CDK13: variants seen among roughly 807,000 people sequenced by gnomAD.
CDK13 encodes cyclin-dependent kinase 13.
In CDK13, 40 loss-of-function variants were observed where a neutral mutation model predicts 137.6. The ratio of observed to expected loss-of-function variants is 0.29; its 90% CI spans 0.23 to 0.38. The LOEUF (loss-of-function observed/expected upper bound fraction) is 0.38, where lower values mean the gene tolerates loss of function less well. Ranked by LOEUF, CDK13 falls within the 10% of genes least tolerant of loss-of-function variation. CDK13 has a pLI of 1.00. For missense variants in CDK13, 1,704 were observed against 1,951.8 expected (o/e 0.87, Z 2.39); for synonymous variants, 869 against 760.1 (o/e 1.14, Z -2.36).
intron 2 of CDK13, among the ~76,000 whole-genome samples, chr7:39,991,368 GC>G (rs1234788993): frequency 6.6e-6 from 1 of 152,156 alleles, no homozygotes; most frequent in Admixed American, 6.5e-5. Context: ...GTAATGGTCT[GC>G]ATAATCTCAT....
chr7:40,073,902 CTT>C (rs75410283), intron 9 of CDK13, among the ~76,000 whole-genome samples: 32 of 129,496 alleles, frequency 2.5e-4, no homozygotes, highest in Non-Finnish European at 2.5e-4. Flanking sequence ...TCTTTTTTTC[CTT>C]TTTTTTTTTT....
At chr7:40,040,152 C>T (rs1218060519) in intron 5 of CDK13, among the ~76,000 whole-genome samples, 7 of 152,128 alleles carry the variant, frequency 4.6e-5, no homozygotes, top group Admixed American at 2.0e-4. Context: ...GCTGGGATTA[C>T]AGGCACCCAC....
At chr7:40,054,594 C>T (rs963957424) in intron 7 of CDK13, among the ~76,000 whole-genome samples, 11 of 152,132 alleles carry the variant, frequency 7.2e-5, no homozygotes, top group East Asian at 3.9e-4. Context: ...CCACACCCAG[C>T]GAATTTTTGT....
At chr7:40,043,849 G>A (rs1405579169) in intron 5 of CDK13, among the ~76,000 whole-genome samples, 1 of 143,082 alleles carries the variant, frequency 7.0e-6, no homozygotes, top group South Asian at 2.5e-4. Flanking sequence ...AAAAAGAAAA[G>A]AAAAATACAG....
In CDK13 at chr7:40,088,973, G is replaced by A. The variant is rs184721099; in HGVS notation, c.3235+642G>A. Among the ~76,000 whole-genome samples the A allele has an allele frequency of 5.7e-4, 85 of 149,944 alleles. 1 individual carries two copies. Among genetic ancestry groups the A allele is most frequent in the African/African-American group, 2.0e-3 (81 of 40,770 alleles). On this transcript the variant is annotated intron_variant, in intron 12 of 13. Coordinates refer to ENST00000181839, the MANE Select transcript of CDK13 (RefSeq NM_003718.5). The stretch of plus-strand genomic sequence containing the variant: ...CACACACCTGTAATCCCAGCTACTC[G>A]GATGCTGAGGAAGAAGAATCGCTTG...
chr7:39,999,274 A>G (rs1208628487), intron 3 of CDK13, 87 bp from the exon 4 acceptor site: 7 of 1,066,992 alleles, frequency 6.6e-6, no homozygotes, highest in African/African-American at 3.2e-5. Context: ...AGAATATACA[A>G]TTGGGTGGCG....
Position 39,950,379 on chromosome 7 carries a change from C to A in CDK13, c.-263C>A. The A allele has an allele frequency of 8.2e-7, 1 of 1,217,088 alleles. No homozygotes were observed. Among genetic ancestry groups the A allele is most frequent in the South Asian group, 4.1e-5 (1 of 24,418 alleles). The allele number at this position is 1,217,088 out of a possible 1,614,324, so 75.4% of individuals were successfully genotyped here. ...CCCGGCGCATCTGGTGTTTTCGCTG[C>A]CGAGGATAGGACGACGAGCGCAATC... On this transcript the variant is annotated 5_prime_UTR_variant, in exon 1 of 14. Transcript: ENST00000181839.
At chr7:39,964,159 T>G (rs1783813766) in intron 1 of CDK13, among the ~76,000 whole-genome samples, 1 of 152,198 alleles carries the variant, frequency 6.6e-6, no homozygotes, top group Non-Finnish European at 1.5e-5. Flanking sequence ...GGGTTCCCTC[T>G]TTTTCTATTG....
intron 1 of CDK13, among the ~76,000 whole-genome samples, chr7:39,956,938 C>A (rs942637994): frequency 6.6e-6 from 1 of 151,928 alleles, no homozygotes; most frequent in African/African-American, 2.4e-5. Context: ...TGATCTGGCT[C>A]CATTCTATCA....
chr7:40,049,973 TTTTTG>T (rs1431397362), intron 7 of CDK13, among the ~76,000 whole-genome samples: 2 of 151,628 alleles, frequency 1.3e-5, no homozygotes, highest in Admixed American at 6.6e-5. Flanking sequence ...CATTTTCCTT[TTTTTG>T]TTTTGTTTTG....
chr7:39,976,323 T>TCTCTCTCTCTCTGTCTCTCACA, intron 1 of CDK13, among the ~76,000 whole-genome samples: 1 of 39,548 alleles, frequency 2.5e-5, no homozygotes, highest in East Asian at 7.1e-4. Flanking sequence ...TCTCTCTCTC[T>TCTCTCTCTCTCTGTCTCTCACA]CACACACACA....
chr7:40,063,837 T>A (rs1460426433), intron 9 of CDK13, among the ~76,000 whole-genome samples: 1 of 151,922 alleles, frequency 6.6e-6, no homozygotes, highest in East Asian at 2.0e-4. Flanking sequence ...TTTGTATTTG[T>A]AGCAGAGACG....
At chr7:40,044,128 C>A (rs1167435326) in intron 5 of CDK13, among the ~76,000 whole-genome samples, 1 of 151,750 alleles carries the variant, frequency 6.6e-6, no homozygotes, top group East Asian at 1.9e-4. Context: ...AACTCCTGAC[C>A]TCAGGTGATC....
At chr7:40,042,168 C>A (rs539068244) in intron 5 of CDK13, among the ~76,000 whole-genome samples, 51 of 152,006 alleles carry the variant, frequency 3.4e-4, no homozygotes, top group Non-Finnish European at 6.6e-4. Context: ...CAACCTCCGC[C>A]TCTCGGGTTC....
In CDK13 at chr7:39,950,851, A is replaced by AGCCGCC. The variant is rs752685344; in HGVS notation, c.219_224dup (p.Ala75_Ala76dup). 42 of 1,370,572 alleles carry AGCCGCC rather than the reference A, an allele frequency of 3.1e-5. No individual in the cohort carries two copies. Among genetic ancestry groups the AGCCGCC allele is most frequent in the Non-Finnish European group, 3.7e-5 (40 of 1,072,734 alleles). The allele number at this position is 1,370,572 out of a possible 1,614,324, so 84.9% of individuals were successfully genotyped here. ...CTGCTCCCGGCACGGCCGCCGCCGC[A>AGCCGCC]GCCGCCGCCGCCGCGGCCTCCTCCT... On this transcript the variant is annotated inframe_insertion, in exon 1 of 14. Coordinates refer to ENST00000181839, the MANE Select transcript of CDK13 (RefSeq NM_003718.5).
Position 39,997,630 on chromosome 7 carries a change from A to C in CDK13, c.2008A>C (p.Thr670Pro), listed in dbSNP as rs745898471. The C allele has an allele frequency of 1.2e-6, 2 of 1,613,854 alleles. No individual in the cohort carries two copies. The highest frequency in any genetic ancestry group is 1.7e-5 in the Admixed American group (1 of 59,964). The change falls in exon 3 of 14, where the codon ACA becomes CCA. Residue 670 changes from threonine (T) to proline (P), a missense_variant. By Grantham distance (38) the Thr-to-Pro change is conservative. Around this residue, in one of 5 missense-constraint regions of CDK13, gnomAD observed 1,051 missense variants for 931.0 expected, o/e 1.13. Transcript: ENST00000181839. ...DLSKSPEEKK[T>P]ATQLHSKRRP... is the part of the protein sequence containing the mutation. ...TTCAAAGAGTCCAGAGGAAAAGAAAACAGCAACACAGTTACATAGTAAAAG... is the reference window on the plus strand; with the variant it reads ...TTCAAAGAGTCCAGAGGAAAAGAAACCAGCAACACAGTTACATAGTAAAAG...
rs564979039 is a variant in CDK13, at chr7:40,096,397, T to G, written c.*1417T>G. The G allele has an allele frequency of 1.3e-5, 2 of 151,510 alleles. No homozygotes were observed. Among genetic ancestry groups the G allele is most frequent in the African/African-American group, 4.8e-5 (2 of 41,364 alleles). 9.4% of individuals were successfully genotyped at this position (151,510 alleles called of 1,614,324 possible). ...AGAATGGAGTAGTCCTTATTTAAAC[T>G]GTAATGGTGTCAAGTCTCACTGTGT... On this transcript the variant is annotated 3_prime_UTR_variant, in exon 14 of 14. Coordinates refer to ENST00000181839, the MANE Select transcript of CDK13 (RefSeq NM_003718.5).
chr7:39,971,135 T>C (rs900004228), intron 1 of CDK13, among the ~76,000 whole-genome samples: 1 of 152,266 alleles, frequency 6.6e-6, no homozygotes, highest in Non-Finnish European at 1.5e-5. Flanking sequence ...TGTGACTTTT[T>C]AAATATTTGT....
intron 5 of CDK13, among the ~76,000 whole-genome samples, chr7:40,013,139 C>G (rs1330682470): frequency 6.6e-6 from 1 of 152,008 alleles, no homozygotes; most frequent in African/African-American, 2.4e-5. Flanking sequence ...CAGGACATGC[C>G]AAGTGAAATA....
Sources: allele counts gnomAD v4.1 joint callset (sites outside exome capture counted in the v4.1 genomes callset), GRCh38; gene constraint gnomAD v4.1.1; regional missense constraint gnomAD v4.1.1; transcripts MANE v1.5; gene names NCBI Gene and HGNC (gene_info 2026-07-23, HGNC 2026-07-21).